Variants in DGKB observed in about 807,000 individuals in gnomAD.
DGKB encodes diacylglycerol kinase beta, also known as 90 kDa diacylglycerol kinase.
A neutral mutation model predicts 114.3 loss-of-function variants in DGKB; 67 were observed. The ratio of observed to expected loss-of-function variants is 0.59; its 90% confidence interval spans 0.48 to 0.72. DGKB has a LOEUF of 0.72. DGKB is among the 30% of genes least tolerant of loss of function. DGKB has a pLI of 0.00. For missense variants in DGKB, 907 were observed against 975.2 expected (o/e 0.93, Z 0.93); for synonymous variants, 398 against 323.1 (o/e 1.23, Z -2.49).
chr7:14,418,162 T>C (rs2128756210), intron 21 of DGKB, among the ~76,000 whole-genome samples: 1 of 145,398 alleles, frequency 6.9e-6, no homozygotes, highest in African/African-American at 2.5e-5. Flanking sequence ...TATATTTTTA[T>C]ATTTTATATT....
intron 2 of DGKB, among the ~76,000 whole-genome samples, chr7:14,774,611 T>C (rs1837887088): frequency 6.6e-6 from 1 of 152,178 alleles, no homozygotes; most frequent in Non-Finnish European, 1.5e-5. Flanking sequence ...TAATTGAATA[T>C]CAATTATTCT....
In DGKB at chr7:14,161,178, G is replaced by C. The variant is rs191481206; in HGVS notation, c.2305-11940C>G. ...TCAGGAAACAACAGATGCTGGAGAG[G>C]ATATGGAGAAATAGGAACACTTTTA... On this transcript the variant is annotated intron_variant, in intron 25 of 25. Coordinates refer to ENST00000402815, the MANE Select transcript of DGKB (RefSeq NM_001350709.2). Among the ~76,000 whole-genome samples, 153 of 152,272 alleles carry C rather than the reference G, an allele frequency of 1.0e-3. 1 individual carries two copies. In the Middle Eastern group the frequency reaches 0.024, roughly 24 times the overall value.
intron 9 of DGKB, among the ~76,000 whole-genome samples, chr7:14,690,038 C>A (rs1822547370): frequency 1.3e-5 from 2 of 152,172 alleles, no homozygotes; most frequent in Admixed American, 6.5e-5. Context: ...GTGGGTACAA[C>A]AATCCACAAT....
At chr7:14,615,980 T>C (rs1052735458) in intron 15 of DGKB, among the ~76,000 whole-genome samples, 51 of 151,432 alleles carry the variant, frequency 3.4e-4, no homozygotes, top group African/African-American at 1.2e-3. Flanking sequence ...GTGAATAAAG[T>C]TTTATGGAAA....
chr7:14,475,777 G>A (rs1010469310), intron 21 of DGKB, among the ~76,000 whole-genome samples: 1 of 152,012 alleles, frequency 6.6e-6, no homozygotes, highest in Non-Finnish European at 1.5e-5. Flanking sequence ...GTTATAAATG[G>A]CATCTAATCA....
chr7:14,291,165 A>G (rs1584964066), intron 23 of DGKB, among the ~76,000 whole-genome samples: 1 of 135,674 alleles, frequency 7.4e-6, no homozygotes, highest in African/African-American at 2.7e-5. Flanking sequence ...AAAAAAAAAG[A>G]GAATGTTAGA....
chr7:14,254,192 AG>A (rs1477249337), intron 23 of DGKB, among the ~76,000 whole-genome samples: 2 of 152,196 alleles, frequency 1.3e-5, no homozygotes, highest in Non-Finnish European at 2.9e-5. Context: ...CCAAGATTTG[AG>A]TTGAAAGCAT....
intron 20 of DGKB, among the ~76,000 whole-genome samples, chr7:14,540,677 T>G (rs1229401501): frequency 6.6e-6 from 1 of 152,234 alleles, no homozygotes; most frequent in African/African-American, 2.4e-5. Context: ...ATTTTTTCAT[T>G]ACTTTCCTAT....
At chr7:14,865,239 T>C (rs895204902) in intron 1 of DGKB, among the ~76,000 whole-genome samples, 1 of 152,192 alleles carries the variant, frequency 6.6e-6, no homozygotes, top group African/African-American at 2.4e-5. Context: ...TCCCAGTTCT[T>C]GCTTATTTAT....
intron 21 of DGKB, among the ~76,000 whole-genome samples, chr7:14,415,466 T>C (rs1825566555): frequency 6.8e-6 from 1 of 147,264 alleles, no homozygotes; most frequent in Non-Finnish European, 1.5e-5. Flanking sequence ...TTCCCCTTCC[T>C]GTGTCCATGT....
intron 20 of DGKB, among the ~76,000 whole-genome samples, chr7:14,491,907 A>C (rs1784652243): frequency 6.6e-6 from 1 of 152,152 alleles, no homozygotes; most frequent in African/African-American, 2.4e-5. Flanking sequence ...TGTTAGAAAA[A>C]TTGAGTCCAA....
chr7:14,671,888 T>C (rs970296419), intron 13 of DGKB, among the ~76,000 whole-genome samples: 6 of 152,234 alleles, frequency 3.9e-5, no homozygotes, highest in Admixed American at 6.5e-5. Flanking sequence ...ATGGCTCTCA[T>C]TTTATTTAAT....
chr7:14,312,946 A>G (rs1384833239), intron 23 of DGKB, among the ~76,000 whole-genome samples: 3 of 152,222 alleles, frequency 2.0e-5, no homozygotes, highest in African/African-American at 7.2e-5. Flanking sequence ...GAAAGCCTGC[A>G]TAACAGAACT....
At chr7:14,777,794 T>A (rs2128482737) in intron 2 of DGKB, among the ~76,000 whole-genome samples, 1 of 152,322 alleles carries the variant, frequency 6.6e-6, no homozygotes, top group African/African-American at 2.4e-5. Context: ...TTCCTAAAGG[T>A]AGTGTGAACG....
At chr7:14,852,487 C>CAAAAAAACAAAAACAAAACA (rs1554304213) in intron 1 of DGKB, among the ~76,000 whole-genome samples, 4 of 63,618 alleles carry the variant, frequency 6.3e-5, no homozygotes, top group East Asian at 1.0e-3. Flanking sequence ...TAGTGAAAGT[C>CAAAAAAACAAAAACAAAACA]AAAAAAAAAA....
intron 2 of DGKB, among the ~76,000 whole-genome samples, chr7:14,803,264 G>A (rs1043218776): frequency 3.3e-5 from 5 of 152,138 alleles, no homozygotes; most frequent in African/African-American, 9.7e-5. Context: ...TAAAGGAGAA[G>A]AGAGAAAGTG....
chr7:14,905,827 T>A (rs1783676030), upstream of DGKB, among the ~76,000 whole-genome samples: 1 of 152,198 alleles, frequency 6.6e-6, no homozygotes, highest in Admixed American at 6.5e-5. Flanking sequence ...AACGTTTGAA[T>A]ACGTGAGTGA....
At chr7:14,629,866 A>G (rs1809362999) in intron 14 of DGKB, among the ~76,000 whole-genome samples, 1 of 152,242 alleles carries the variant, frequency 6.6e-6, no homozygotes, top group African/African-American at 2.4e-5. Flanking sequence ...TTGATGGCTC[A>G]AAGAATAAAT....
chr7:14,179,216 C>A (rs1760262791), intron 23 of DGKB, among the ~76,000 whole-genome samples: 1 of 152,202 alleles, frequency 6.6e-6, no homozygotes, highest in Admixed American at 6.5e-5. Flanking sequence ...GTTGAACTCA[C>A]ATCAATAGAA....
Sources: gnomAD v4.1 joint callset for allele counts (sites outside exome capture counted in the v4.1 genomes callset) on GRCh38, gnomAD v4.1.1 for gene constraint, MANE v1.5 for transcripts, NCBI Gene and HGNC (gene_info 2026-07-23, HGNC 2026-07-21) for gene names.